CTNNA3: variants seen among roughly 807,000 people sequenced by gnomAD.
The protein encoded by CTNNA3 is catenin alpha-3.
A neutral mutation model predicts 95.7 loss-of-function variants in CTNNA3; 76 were observed. The ratio of observed to expected loss-of-function variants is 0.79; its 90% CI spans 0.66 to 0.96. The LOEUF is 0.96. Ranked by LOEUF, CTNNA3 falls within the 40% of genes least tolerant of loss-of-function variation. The pLI, the probability that CTNNA3 is intolerant of heterozygous loss-of-function variation, is 0.00. For missense variants in CTNNA3, 1,191 were observed against 1,089.8 expected (o/e 1.09, Z -1.31); for synonymous variants, 431 against 374.4 (o/e 1.15, Z -1.74).
chr10:66,722,785 T>C (rs1171407835), intron 9 of CTNNA3, among the ~76,000 whole-genome samples: 1 of 151,440 alleles, frequency 6.6e-6, no homozygotes, highest in Admixed American at 6.6e-5. Flanking sequence ...TTCAAGCAAC[T>C]GTAGAGTAAT....
At chr10:66,969,679 A>C (rs1174997520) in intron 7 of CTNNA3, among the ~76,000 whole-genome samples, 3 of 152,156 alleles carry the variant, frequency 2.0e-5, no homozygotes, top group African/African-American at 7.2e-5. Context: ...GATCTCTTTT[A>C]CAATTTGATA....
intron 17 of CTNNA3, among the ~76,000 whole-genome samples, chr10:65,947,175 T>C (rs534252056): frequency 1.1e-4 from 17 of 151,498 alleles, no homozygotes; most frequent in African/African-American, 4.1e-4. Flanking sequence ...GCAGAGAACA[T>C]TATTCTTCCT....
At chr10:67,451,823 T>G (rs1169684259) in intron 5 of CTNNA3, among the ~76,000 whole-genome samples, 1 of 152,232 alleles carries the variant, frequency 6.6e-6, no homozygotes, top group Non-Finnish European at 1.5e-5. Flanking sequence ...CTATTTTCCT[T>G]ACTTCATATT....
At chr10:66,926,250 T>C (rs966403466) in intron 7 of CTNNA3, 9 of 492,648 alleles carry the variant, frequency 1.8e-5, no homozygotes, top group Non-Finnish European at 3.0e-5. Context: ...AAGAAGAAAT[T>C]GTAGGATCCA....
At position 66,529,441 on chromosome 10, in the gene CTNNA3, T is replaced by TTTTTTG. The variant is rs1564514192; in HGVS notation, c.1375-8669_1375-8668insCAAAAA. On this transcript the variant is annotated intron_variant, in intron 10 of 17. Transcript: ENST00000433211. Reference sequence around the variant, plus strand: ...GCCACCGAGCCCAGCCAAACAGTGTTTTTTTTTTGTTTTTTTTTTTTAATA... The same window carrying TTTTTTG: ...GCCACCGAGCCCAGCCAAACAGTGTTTTTTTGTTTTTTTTGTTTTTTTTTTTTAATA... Among the ~76,000 whole-genome samples the TTTTTTG allele has an allele frequency of 2.4e-4, 20 of 83,568 alleles. 1 individual carries two copies. The highest frequency in any genetic ancestry group is 4.6e-4 in the South Asian group (1 of 2,156). The allele number at this position is 83,568 out of a possible 152,430, so 54.8% of individuals were successfully genotyped here.
chr10:66,046,722 C>A (rs2079836694), intron 15 of CTNNA3, among the ~76,000 whole-genome samples: 1 of 151,578 alleles, frequency 6.6e-6, no homozygotes, highest in Non-Finnish European at 1.5e-5. Flanking sequence ...GGCTATTATA[C>A]CTAGACAAAT....
rs116419435 is a variant in CTNNA3 at position 66,413,017 on chromosome 10, A to G, written c.1532-33665T>C. 7.0e-3 allele frequency among the ~76,000 whole-genome samples: 1,071 copies of G among 152,326 alleles called. 11 individuals are homozygous for G. Among genetic ancestry groups the G allele is most frequent in the African/African-American group, 0.025 (1,019 of 41,578 alleles). On this transcript the variant is annotated intron_variant, in intron 11 of 17. Transcript: ENST00000433211. ...GTGATTATATCACAGGAATTGCAAT[A>G]TAAGTAACATGTTGAGGAAATGCTA...
At chr10:65,926,896 T>G (rs2077176122) in intron 17 of CTNNA3, among the ~76,000 whole-genome samples, 1 of 152,226 alleles carries the variant, frequency 6.6e-6, no homozygotes, top group South Asian at 2.1e-4. Context: ...CTCAGCATAT[T>G]CTCCTATGGT....
At chr10:66,429,566 G>A (rs1265949826) in intron 11 of CTNNA3, among the ~76,000 whole-genome samples, 3 of 152,184 alleles carry the variant, frequency 2.0e-5, no homozygotes, top group Non-Finnish European at 4.4e-5. Flanking sequence ...GATCAAGTTG[G>A]CTTCATCCCT....
chr10:67,321,582 G>A (rs1053803430), intron 5 of CTNNA3, among the ~76,000 whole-genome samples: 2 of 152,136 alleles, frequency 1.3e-5, no homozygotes, highest in Non-Finnish European at 2.9e-5. Flanking sequence ...ATACCATGTA[G>A]ATTTCTTATT....
At chr10:66,393,371 CATA>C (rs1282468800) in intron 11 of CTNNA3, among the ~76,000 whole-genome samples, 3 of 151,958 alleles carry the variant, frequency 2.0e-5, no homozygotes, top group African/African-American at 7.2e-5. Flanking sequence ...GTAGGATTTA[CATA>C]ATAATAATGT....
rs115890858 is a variant in CTNNA3, at chr10:66,650,433, A to T, written c.1282-28649T>A. Among the ~76,000 whole-genome samples the T allele has an allele frequency of 6.3e-3, 953 of 152,332 alleles. 15 individuals are homozygous for T. Among genetic ancestry groups the T allele is most frequent in the African/African-American group, 0.021 (874 of 41,578 alleles). ...CTCTTTAACAACCAACGAATCAAAG[A>T]AGAAAGTAAAAGAGAAATTAAAAAC... On this transcript the variant is annotated intron_variant, in intron 9 of 17. Coordinates refer to ENST00000433211, the MANE Select transcript of CTNNA3 (RefSeq NM_013266.4).
intron 3 of CTNNA3, among the ~76,000 whole-genome samples, chr10:67,567,658 C>T (rs142258416): frequency 6.6e-5 from 10 of 152,176 alleles, no homozygotes; most frequent in East Asian, 3.9e-4. Context: ...TCTATAGCCT[C>T]GGTAGTTATG....
intron 10 of CTNNA3, among the ~76,000 whole-genome samples, chr10:66,598,044 T>C (rs1240136706): frequency 2.0e-5 from 3 of 151,922 alleles, no homozygotes; most frequent in African/African-American, 7.3e-5. Flanking sequence ...GCAAACCAAA[T>C]TTAATAGCAC....
intron 7 of CTNNA3, among the ~76,000 whole-genome samples, chr10:67,014,606 T>C (rs1377866448): frequency 2.0e-5 from 3 of 152,150 alleles, no homozygotes; most frequent in African/African-American, 7.2e-5. Flanking sequence ...CTTTCTTTAG[T>C]AGCTAATGGA....
intron 3 of CTNNA3, among the ~76,000 whole-genome samples, chr10:67,602,641 A>T (rs1843122586): frequency 6.6e-6 from 1 of 152,234 alleles, no homozygotes; most frequent in Non-Finnish European, 1.5e-5. Flanking sequence ...TCTTTAAAAT[A>T]ACATCTTTTT....
At chr10:67,654,654 T>C (rs1054281813) in intron 1 of CTNNA3, among the ~76,000 whole-genome samples, 5 of 152,070 alleles carry the variant, frequency 3.3e-5, no homozygotes, top group Non-Finnish European at 7.4e-5. Context: ...CACCTGGCTG[T>C]TATTCCACTT....
At chr10:66,318,733 A>G (rs2092138674) in intron 12 of CTNNA3, among the ~76,000 whole-genome samples, 1 of 152,046 alleles carries the variant, frequency 6.6e-6, no homozygotes, top group Non-Finnish European at 1.5e-5. Flanking sequence ...CTTAGTATGC[A>G]CATGTAAATG....
intron 9 of CTNNA3, among the ~76,000 whole-genome samples, chr10:66,651,714 GC>G (rs1228041584): frequency 6.6e-6 from 1 of 152,006 alleles, no homozygotes; most frequent in Non-Finnish European, 1.5e-5. Context: ...CGGGTGCTAA[GC>G]CCCTCACTGC....
Sources: gnomAD v4.1 joint callset for allele counts (sites outside exome capture counted in the v4.1 genomes callset) on GRCh38, gnomAD v4.1.1 for gene constraint, MANE v1.5 for transcripts, NCBI Gene and HGNC (gene_info 2026-07-23, HGNC 2026-07-21) for gene names.